The following STOX2 variants were observed in gnomAD, a reference collection of about 807,000 sequenced individuals.
STOX2 encodes the protein storkhead box 2.
A neutral mutation model predicts 60.9 loss-of-function variants in STOX2; 28 were observed. The observed-to-expected ratio is 0.46, with a 90% CI of 0.34 to 0.63. The LOEUF (loss-of-function observed/expected upper bound fraction) is 0.63. STOX2 is among the 30% of genes least tolerant of loss of function. The pLI, the probability that STOX2 is intolerant of heterozygous loss-of-function variation, is 0.01. For missense variants in STOX2, 1,024 were observed against 1,187.7 expected (o/e 0.86, Z 2.03); for synonymous variants, 472 against 463.9 (o/e 1.02, Z -0.22).
At chr4:184,000,680 G>A (rs1733548991) in intron 1 of STOX2, among the ~76,000 whole-genome samples, 1 of 152,138 alleles carries the variant, frequency 6.6e-6, no homozygotes, top group Non-Finnish European at 1.5e-5. Flanking sequence ...CACTTCCTTG[G>A]TGGAACCTTG....
At chr4:183,948,231 A>AAC (rs1742956955) in intron 1 of STOX2, among the ~76,000 whole-genome samples, 2 of 150,514 alleles carry the variant, frequency 1.3e-5, no homozygotes, top group Non-Finnish European at 1.5e-5. Context: ...AAAAAAAAAA[A>AAC]AAAAAAAAAA....
intron 1 of STOX2, among the ~76,000 whole-genome samples, chr4:183,977,657 G>A (rs899797019): frequency 1.3e-5 from 2 of 151,942 alleles, no homozygotes; most frequent in Non-Finnish European, 2.9e-5. Flanking sequence ...ACATACAAGT[G>A]CAGGTGTCTT....
At chr4:183,924,784 C>T (rs564549837) in intron 1 of STOX2, among the ~76,000 whole-genome samples, 5 of 152,150 alleles carry the variant, frequency 3.3e-5, no homozygotes, top group East Asian at 1.9e-4. Context: ...CCATGCCTGG[C>T]GGTGCCTGTC....
chr4:183,817,925 C>A (rs1283584663), intron 1 of STOX2, among the ~76,000 whole-genome samples: 1 of 152,080 alleles, frequency 6.6e-6, no homozygotes, highest in Non-Finnish European at 1.5e-5. Context: ...CAGACATTTG[C>A]TGCACTGTTC....
chr4:183,952,907 A>C (rs181081460), intron 1 of STOX2, among the ~76,000 whole-genome samples: 20 of 152,248 alleles, frequency 1.3e-4, no homozygotes, highest in African/African-American at 3.9e-4. Flanking sequence ...ATGAAGCTGG[A>C]AACCATCTTT....
intron 1 of STOX2, among the ~76,000 whole-genome samples, chr4:183,841,980 G>C (rs1204284636): frequency 6.6e-6 from 1 of 152,242 alleles, no homozygotes; most frequent in East Asian, 1.9e-4. Context: ...CCTTGCCAGT[G>C]TGTGGCTTAA....
At chr4:183,810,408 G>A (rs1160777643) in intron 1 of STOX2, among the ~76,000 whole-genome samples, 7 of 152,230 alleles carry the variant, frequency 4.6e-5, no homozygotes, top group Non-Finnish European at 1.0e-4. Flanking sequence ...GTGCAACAAG[G>A]TTTTGCAGTA....
chr4:184,014,470 CAT>C (rs1426166341), intron 3 of STOX2: 9 of 151,926 alleles, frequency 5.9e-5, no homozygotes, highest in South Asian at 2.1e-4. Flanking sequence ...CAGGGGAAGA[CAT>C]GTGTACAGAA....
Position 184,011,599 on chromosome 4 carries a change from A to G in STOX2, c.2585+176A>G. 1 of 1,529,740 alleles carries G rather than the reference A, an allele frequency of 6.5e-7. No individual in the cohort carries two copies. Among genetic ancestry groups the G allele is most frequent in the Admixed American group, 2.0e-5 (1 of 50,700 alleles). 94.8% of individuals were successfully genotyped at this position (1,529,740 alleles called of 1,614,324 possible). Reference sequence around the variant, plus strand: ...ACTTCTTTTTCAGGAATTGAAAAAAATGTTTCTGCACCTGTAGAGATCACC... The same window carrying G: ...ACTTCTTTTTCAGGAATTGAAAAAAGTGTTTCTGCACCTGTAGAGATCACC... On this transcript the variant is annotated intron_variant, in intron 3 of 3. Transcript: ENST00000308497. The surrounding 1 kb of genome is among the most constrained non-coding windows in gnomAD (Gnocchi z 4.4).
At chr4:183,947,147 T>A (rs546273977) in intron 1 of STOX2, among the ~76,000 whole-genome samples, 1 of 152,188 alleles carries the variant, frequency 6.6e-6, no homozygotes, top group Admixed American at 6.5e-5. Flanking sequence ...GTATTTGCAG[T>A]GAACTCTTGC....
At chr4:183,867,815 ACC>A (rs1421425890) in intron 1 of STOX2, among the ~76,000 whole-genome samples, 13 of 152,230 alleles carry the variant, frequency 8.5e-5, no homozygotes, top group Admixed American at 6.5e-4. Context: ...CCTGAAAGGT[ACC>A]TCACAGCCCC....
chr4:183,935,329 C>G (rs1328359567), intron 1 of STOX2, among the ~76,000 whole-genome samples: 2 of 152,202 alleles, frequency 1.3e-5, no homozygotes. Context: ...GGGTATCACC[C>G]TGTTGACCAG....
At chr4:183,973,365 G>A (rs1743798041) in intron 1 of STOX2, among the ~76,000 whole-genome samples, 1 of 152,156 alleles carries the variant, frequency 6.6e-6, no homozygotes, top group Non-Finnish European at 1.5e-5. Context: ...TTGAATTACT[G>A]CAGATTTAAT....
In STOX2 at chr4:183,935,357, A is replaced by C. The variant is rs116029734; in HGVS notation, c.166+28401A>C. ...TTGACCAGAAAAAGGGGAAGATGAA[A>C]AAAAACAACTGGAAGATCGTATTTA... is the stretch of plus-strand genomic sequence containing the variant. On this transcript the variant is annotated intron_variant, in intron 1 of 3. Transcript: ENST00000308497. Among the ~76,000 whole-genome samples, 678 of 152,386 alleles carry C rather than the reference A, an allele frequency of 4.4e-3. 5 individuals carry two copies. Among genetic ancestry groups the C allele is most frequent in the African/African-American group, 0.015 (626 of 41,600 alleles).
At chr4:184,007,015 CAA>C (rs61393267) in intron 2 of STOX2, among the ~76,000 whole-genome samples, 8 of 52,788 alleles carry the variant, frequency 1.5e-4, no homozygotes, top group South Asian at 7.0e-4. Context: ...GACTCTGTCT[CAA>C]AAAAAAAAAA....
At chr4:183,861,165 C>A (rs1579345999) in intron 1 of STOX2, among the ~76,000 whole-genome samples, 2 of 152,292 alleles carry the variant, frequency 1.3e-5, no homozygotes, top group East Asian at 1.9e-4. Context: ...CAAAGAAGTT[C>A]AAAATGACAG....
At position 184,009,158 on chromosome 4, in the gene STOX2, GT is replaced by G; in HGVS notation, c.321del (p.Val108PhefsTer13). On this transcript the variant is annotated frameshift_variant and splice_region_variant, in exon 3 of 4. Coordinates refer to ENST00000308497, the MANE Select transcript of STOX2 (RefSeq NM_020225.3). LOFTEE classifies it high-confidence loss of function. The surrounding 1 kb of genome is among the most constrained non-coding windows in gnomAD (Gnocchi z 4.0). ...LMEHLTTCFP[G>X]VPTPSQEILR... is the part of the protein sequence containing the mutation. The stretch of plus-strand genomic sequence containing the variant: ...GTGGTTTTTTTTTTTTTTTTTTCAG[GT>G]GTTCCAACGCCAAGCCAAGAAATTC... 1.2e-6 allele frequency: 1 copy of G among 833,366 alleles called. No homozygotes were observed. The highest frequency in any genetic ancestry group is 1.8e-6 in the Non-Finnish European group (1 of 570,650). The allele number at this position is 833,366 out of a possible 1,614,324, so 51.6% of individuals were successfully genotyped here. A position where few individuals can be genotyped will look rare whatever the true frequency, so the allele number is the denominator to read the frequency against.
intron 1 of STOX2, among the ~76,000 whole-genome samples, chr4:183,946,942 A>G (rs117154048): frequency 0.024 from 3,680 of 152,234 alleles, 147 homozygotes; most frequent in East Asian, 0.11. Flanking sequence ...CTATTTACAT[A>G]GTATTTACGT....
intron 1 of STOX2, among the ~76,000 whole-genome samples, chr4:183,894,068 C>T (rs1741287770): frequency 6.6e-6 from 1 of 152,224 alleles, no homozygotes; most frequent in Admixed American, 6.5e-5. Flanking sequence ...ACGAGGATCA[C>T]TTGAGCCCAG....
Sources: gnomAD v4.1 joint callset for allele counts (sites outside exome capture counted in the v4.1 genomes callset) on GRCh38, gnomAD v4.1.1 for gene constraint, Gnocchi (gnomAD v3.1) non-coding constraint, MANE v1.5 for transcripts, NCBI Gene and HGNC (gene_info 2026-07-23, HGNC 2026-07-21) for gene names.